RBFOX1: variants seen among roughly 807,000 people sequenced by gnomAD.
RBFOX1 encodes the protein RNA binding protein fox-1 homolog 1.
Under a neutral mutation model 57.7 loss-of-function variants are expected in RBFOX1, and 8 were observed. The ratio of observed to expected loss-of-function variants is 0.14; its 90% CI spans 0.08 to 0.25. The LOEUF is 0.25. Ranked by LOEUF, RBFOX1 falls within the 10% of genes least tolerant of loss-of-function variation. The pLI is 1.00. For missense variants in RBFOX1, 611 were observed against 548.5 expected (o/e 1.11, Z -1.14); for synonymous variants, 326 against 222.4 (o/e 1.47, Z -4.15).
chr16:7,447,390 G>A (rs1201538926), intron 4 of RBFOX1, among the ~76,000 whole-genome samples: 2 of 141,170 alleles, frequency 1.4e-5, no homozygotes, highest in Non-Finnish European at 3.0e-5. Context: ...CTGAGATCAT[G>A]CCACTGCACT....
chr16:7,473,951 G>A (rs191760329), intron 4 of RBFOX1, among the ~76,000 whole-genome samples: 2 of 152,248 alleles, frequency 1.3e-5, no homozygotes, highest in East Asian at 3.9e-4. Flanking sequence ...TAACTGGCAA[G>A]CAATCGAGAC....
At chr16:7,658,106 A>T (rs1311522983) in intron 12 of RBFOX1, among the ~76,000 whole-genome samples, 4 of 152,166 alleles carry the variant, frequency 2.6e-5, no homozygotes, top group African/African-American at 9.7e-5. Context: ...AACTTGGTCC[A>T]TCTTATGACA....
rs1455499880 is a variant in RBFOX1 at position 5,284,584 on chromosome 16, C to T, written c.219+44479C>T. Among the ~76,000 whole-genome samples the T allele has an allele frequency of 2.0e-5, 3 of 147,388 alleles. No homozygotes were observed. In the East Asian group the frequency reaches 5.9e-4, roughly 29 times the overall value. ...GGCAATGGAGTCTCACTCTGTGACC[C>T]AGGCTGGAGTACAGTGGCATGATCA... On this transcript the variant is annotated intron_variant, in intron 1 of 2. Coordinates refer to the RBFOX1 transcript ENST00000585867.
chr16:6,691,586 A>G (rs1381681818), intron 3 of RBFOX1, among the ~76,000 whole-genome samples: 2 of 152,166 alleles, frequency 1.3e-5, no homozygotes, highest in African/African-American at 2.4e-5. Context: ...TCATCTTTAC[A>G]TCAATCCCAG....
chr16:7,489,461 G>C (rs975634328), intron 4 of RBFOX1, among the ~76,000 whole-genome samples: 6 of 151,816 alleles, frequency 4.0e-5, no homozygotes, highest in African/African-American at 1.5e-4. Flanking sequence ...TTCTTTTGCT[G>C]TTCCTATTTT....
At chr16:7,373,105 T>G (rs927539776) in intron 4 of RBFOX1, among the ~76,000 whole-genome samples, 16 of 151,978 alleles carry the variant, frequency 1.1e-4, no homozygotes, top group African/African-American at 3.6e-4. Context: ...CTAATTTTTT[T>G]GTATTTTTTA....
At chr16:6,517,940 A>G (rs1420481413) in intron 2 of RBFOX1, among the ~76,000 whole-genome samples, 1 of 152,186 alleles carries the variant, frequency 6.6e-6, no homozygotes, top group Non-Finnish European at 1.5e-5. Context: ...GATGATGGTG[A>G]TGGTAATTGT....
intron 5 of RBFOX1, among the ~76,000 whole-genome samples, chr16:7,535,164 A>T (rs1821579331): frequency 6.6e-6 from 1 of 152,182 alleles, no homozygotes; most frequent in South Asian, 2.1e-4. Flanking sequence ...GATATTCCTC[A>T]ATATAATACA....
chr16:7,394,494 C>A (rs745928136), intron 4 of RBFOX1, among the ~76,000 whole-genome samples: 2 of 152,098 alleles, frequency 1.3e-5, no homozygotes, highest in African/African-American at 2.4e-5. Flanking sequence ...AAGAGTCAAA[C>A]CCCCACACCT....
chr16:6,943,866 C>A (rs796559324), intron 3 of RBFOX1, among the ~76,000 whole-genome samples: 1 of 152,112 alleles, frequency 6.6e-6, no homozygotes, highest in Non-Finnish European at 1.5e-5. Context: ...TTTTCTGTAC[C>A]TCACTGCTGA....
chr16:6,422,120 C>T (rs140915846), intron 2 of RBFOX1, among the ~76,000 whole-genome samples: 441 of 151,744 alleles, frequency 2.9e-3, no homozygotes, highest in African/African-American at 9.9e-3. Context: ...ATGGAGTTTT[C>T]CCATTTTGGC....
chr16:7,654,025 C>T (rs921732217), intron 12 of RBFOX1, 78 bp downstream of exon 12: 4 of 1,404,186 alleles, frequency 2.8e-6, no homozygotes, highest in South Asian at 3.0e-5. Context: ...TTTGCGAGCG[C>T]ATGATGGTCT....
At chr16:6,736,231 C>T (rs190133191) in intron 3 of RBFOX1, among the ~76,000 whole-genome samples, 9 of 152,092 alleles carry the variant, frequency 5.9e-5, no homozygotes, top group South Asian at 4.2e-4. Flanking sequence ...TTTGCATACA[C>T]GAGTAAGTTC....
chr16:5,269,042 G>A (rs1408781558), intron 1 of RBFOX1, among the ~76,000 whole-genome samples: 5 of 152,168 alleles, frequency 3.3e-5, no homozygotes, highest in East Asian at 3.9e-4. Context: ...AGCTTCCCGC[G>A]TAGCTGGGAT....
chr16:6,290,855 G>T (rs957294134), intron 1 of RBFOX1, among the ~76,000 whole-genome samples: 2 of 152,110 alleles, frequency 1.3e-5, no homozygotes, highest in African/African-American at 4.8e-5. Context: ...TGGATCTCAG[G>T]CAAGAAAGAA....
chr16:5,811,472 G>C (rs75369106), intron 3 of RBFOX1, among the ~76,000 whole-genome samples: 1 of 143,206 alleles, frequency 7.0e-6, no homozygotes, highest in African/African-American at 2.6e-5. Flanking sequence ...TTTTTTTTAA[G>C]ATGGAATCTC....
chr16:6,978,508 A>C (rs1368592460), intron 3 of RBFOX1, among the ~76,000 whole-genome samples: 1 of 152,194 alleles, frequency 6.6e-6, no homozygotes, highest in Non-Finnish European at 1.5e-5. Flanking sequence ...TCCATTTTAC[A>C]GAAAGGGAAG....
intron 2 of RBFOX1, among the ~76,000 whole-genome samples, chr16:6,495,109 TTTG>T (rs2095732582): frequency 6.6e-6 from 1 of 151,884 alleles, no homozygotes; most frequent in Admixed American, 6.6e-5. Flanking sequence ...CCCGCTTTCT[TTTG>T]TTTGTTTATT....
intron 2 of RBFOX1, among the ~76,000 whole-genome samples, chr16:6,321,045 C>T (rs1366132182): frequency 1.3e-5 from 2 of 152,164 alleles, no homozygotes; most frequent in Non-Finnish European, 2.9e-5. Context: ...CCTCCTACGT[C>T]GGCCTCCCAA....
Sources: allele counts gnomAD v4.1 joint callset (sites outside exome capture counted in the v4.1 genomes callset), GRCh38; gene constraint gnomAD v4.1.1; transcripts MANE v1.5; gene names NCBI Gene and HGNC (gene_info 2026-07-23, HGNC 2026-07-21).